The following PLCB1 variants were observed in gnomAD, a reference collection of about 807,000 sequenced individuals.
The protein encoded by PLCB1 is 1-phosphatidylinositol 4,5-bisphosphate phosphodiesterase beta-1.
A neutral mutation model predicts 161.8 loss-of-function variants in PLCB1; 46 were observed. The observed-to-expected ratio is 0.28, with a 90% CI of 0.22 to 0.36. The LOEUF (loss-of-function observed/expected upper bound fraction) is 0.36, where lower values mean the gene tolerates loss of function less well. Ranked by LOEUF, PLCB1 falls within the 10% of genes least tolerant of loss-of-function variation. The pLI is 1.00. For missense variants in PLCB1, 1,016 were observed against 1,472.5 expected (o/e 0.69, Z 5.07); for synonymous variants, 517 against 503.7 (o/e 1.03, Z -0.35).
intron 3 of PLCB1, among the ~76,000 whole-genome samples, chr20:8,441,667 G>A (rs1365717659): frequency 6.6e-6 from 1 of 152,138 alleles, no homozygotes; most frequent in East Asian, 1.9e-4. Flanking sequence ...CATAAGCAGT[G>A]ACCGACCATA....
chr20:8,416,224 C>A (rs189931059), intron 3 of PLCB1, among the ~76,000 whole-genome samples: 1 of 152,200 alleles, frequency 6.6e-6, no homozygotes, highest in East Asian at 1.9e-4. Context: ...AAAACTTGGT[C>A]TGACAAGGGA....
intron 23 of PLCB1, among the ~76,000 whole-genome samples, chr20:8,746,936 C>G (rs1600294716): frequency 6.6e-6 from 1 of 152,154 alleles, no homozygotes; most frequent in East Asian, 1.9e-4. Context: ...CTCAGCATCT[C>G]TAATAAGCCC....
At chr20:8,675,008 T>C (rs766061144) in intron 9 of PLCB1, among the ~76,000 whole-genome samples, 7 of 152,200 alleles carry the variant, frequency 4.6e-5, no homozygotes, top group Non-Finnish European at 8.8e-5. Flanking sequence ...GTATAATTTC[T>C]ATGGCAGTGT....
At chr20:8,800,876 A>C in intron 31 of PLCB1, among the ~76,000 whole-genome samples, 1 of 152,136 alleles carries the variant, frequency 6.6e-6, no homozygotes, top group East Asian at 1.9e-4. Flanking sequence ...GTTGAGTACC[A>C]ACTGCAGTGC....
At chr20:8,319,820 A>C (rs944672457) in intron 2 of PLCB1, among the ~76,000 whole-genome samples, 10 of 148,306 alleles carry the variant, frequency 6.7e-5, no homozygotes, top group Non-Finnish European at 1.0e-4. Flanking sequence ...TCACTATCCA[A>C]CACTGGGAGG....
At chr20:8,744,207 G>A (rs1196344506) in intron 23 of PLCB1, among the ~76,000 whole-genome samples, 2 of 151,830 alleles carry the variant, frequency 1.3e-5, no homozygotes, top group Non-Finnish European at 2.9e-5. Flanking sequence ...TTTTTCAACT[G>A]GATGAATTTT....
chr20:8,194,473 C>T (rs1193263483), intron 2 of PLCB1, among the ~76,000 whole-genome samples: 2 of 152,004 alleles, frequency 1.3e-5, no homozygotes, highest in African/African-American at 4.8e-5. Context: ...ATTAACCATA[C>T]TTCTTGTGTC....
intron 2 of PLCB1, among the ~76,000 whole-genome samples, chr20:8,188,298 C>T (rs2051928390): frequency 1.3e-5 from 2 of 152,110 alleles, no homozygotes; most frequent in Non-Finnish European, 2.9e-5. Context: ...AAGCAAGTTA[C>T]ATGGCCAAGC....
chr20:8,338,628 T>A (rs1985676414), intron 2 of PLCB1, among the ~76,000 whole-genome samples: 1 of 152,218 alleles, frequency 6.6e-6, no homozygotes, highest in South Asian at 2.1e-4. Flanking sequence ...ATCTTGTATA[T>A]TAACGGTTCT....
chr20:8,650,375 A>G (rs140791696), intron 7 of PLCB1, among the ~76,000 whole-genome samples: 1 of 152,256 alleles, frequency 6.6e-6, no homozygotes, highest in Non-Finnish European at 1.5e-5. Context: ...TAATGATCCA[A>G]TGACCCAAAA....
chr20:8,152,932 G>T (rs2051524360), intron 2 of PLCB1, among the ~76,000 whole-genome samples: 1 of 152,054 alleles, frequency 6.6e-6, no homozygotes, highest in Admixed American at 6.6e-5. Context: ...ATTTTATGAT[G>T]TTCTATGCAT....
chr20:8,632,035 CTTTTTTTTTTTTTT>C lies in PLCB1; in HGVS notation c.384+3623_384+3636del, dbSNP rs34028351. 9.6e-3 allele frequency among the ~76,000 whole-genome samples: 440 copies of C among 45,964 alleles called. 2 individuals carry two copies. Among genetic ancestry groups the C allele is most frequent in the African/African-American group, 0.039 (393 of 9,992 alleles). The allele number at this position is 45,964 out of a possible 152,430, so 30.2% of individuals were successfully genotyped here. A position where few individuals can be genotyped will look rare whatever the true frequency, so the allele number is the denominator to read the frequency against. On this transcript the variant is annotated intron_variant, in intron 4 of 31. Coordinates refer to ENST00000338037, the MANE Select transcript of PLCB1 (RefSeq NM_015192.4). ...AGGAGACAAATATGGGTTTTTTTTG[CTTTTTTTTTTTTTT>C]TTTTTTTTTTTTTTTTTTGCCTGCT...
intron 3 of PLCB1, among the ~76,000 whole-genome samples, chr20:8,570,023 G>T (rs1986455305): frequency 6.6e-6 from 1 of 152,134 alleles, no homozygotes; most frequent in Non-Finnish European, 1.5e-5. Context: ...TAAAGGTCTG[G>T]TTGTTTCTCT....
At chr20:8,297,892 G>GGTTTT (rs1555796224) in intron 2 of PLCB1, among the ~76,000 whole-genome samples, 1 of 132,708 alleles carries the variant, frequency 7.5e-6, no homozygotes, top group African/African-American at 2.7e-5. Context: ...TTCTTTTTGG[G>GGTTTT]TTTTTTTTTT....
At chr20:8,391,010 C>A (rs1172795505) in intron 3 of PLCB1, among the ~76,000 whole-genome samples, 2 of 151,652 alleles carry the variant, frequency 1.3e-5, no homozygotes, top group African/African-American at 4.9e-5. Flanking sequence ...TGTCTAAATG[C>A]ATTTTGCCAT....
At chr20:8,232,716 A>T (rs578003967) in intron 2 of PLCB1, among the ~76,000 whole-genome samples, 1 of 152,072 alleles carries the variant, frequency 6.6e-6, no homozygotes, top group African/African-American at 2.4e-5. Flanking sequence ...GTGTTACCTG[A>T]TATGTCTTTA....
intron 3 of PLCB1, among the ~76,000 whole-genome samples, chr20:8,611,725 A>G (rs1987910534): frequency 1.3e-5 from 2 of 152,200 alleles, no homozygotes; most frequent in African/African-American, 2.4e-5. Flanking sequence ...CAATTCTCTT[A>G]GTATTTCCAG....
chr20:8,460,588 A>T (rs1233936448), intron 3 of PLCB1, among the ~76,000 whole-genome samples: 1 of 152,240 alleles, frequency 6.6e-6, no homozygotes, highest in South Asian at 2.1e-4. Flanking sequence ...GGCCAACCAT[A>T]TAGGATGGCC....
At chr20:8,168,280 A>T (rs1249220675) in intron 2 of PLCB1, among the ~76,000 whole-genome samples, 1 of 152,236 alleles carries the variant, frequency 6.6e-6, no homozygotes, top group Non-Finnish European at 1.5e-5. Context: ...TTTGAATTAC[A>T]TACAAAAAAG....
Sources: allele counts gnomAD v4.1 joint callset (sites outside exome capture counted in the v4.1 genomes callset), GRCh38; gene constraint gnomAD v4.1.1; transcripts MANE v1.5; gene names NCBI Gene and HGNC (gene_info 2026-07-23, HGNC 2026-07-21).